NAALADL2: variants seen among roughly 807,000 people sequenced by gnomAD.
NAALADL2 encodes the protein N-acetylated alpha-linked acidic dipeptidase like 2.
A neutral mutation model predicts 87.2 loss-of-function variants in NAALADL2; 76 were observed. The ratio of observed to expected loss-of-function variants is 0.87; its 90% CI spans 0.72 to 1.05. NAALADL2 has a LOEUF of 1.05. NAALADL2 is among the 50% of genes least tolerant of loss of function. The probability of loss-of-function intolerance (pLI) is 0.00; values close to 1 mark genes in which losing one functional copy is unlikely to be tolerated. For missense variants in NAALADL2, 1,089 were observed against 945.8 expected, an observed-to-expected ratio of 1.15 and a Z score of -1.99; for synonymous variants, 354 against 331.0, an observed-to-expected ratio of 1.07 and a Z score of -0.75.
intron 2 of NAALADL2, among the ~76,000 whole-genome samples, chr3:175,119,338 T>C (rs1275777386): frequency 6.6e-5 from 10 of 151,708 alleles, no homozygotes. Context: ...TAATAAAAAT[T>C]TGAATTAGTT....
chr3:175,206,363 C>T lies in NAALADL2; in HGVS notation c.546-27568C>T, dbSNP rs188401968. 5.7e-4 allele frequency among the ~76,000 whole-genome samples: 83 copies of T among 146,220 alleles called. 2 individuals carry two copies. In the East Asian group the frequency reaches 0.015, roughly 26 times the overall value. On this transcript the variant is annotated intron_variant, in intron 2 of 13. Coordinates refer to ENST00000454872, the MANE Select transcript of NAALADL2 (RefSeq NM_207015.3). Reference sequence around the variant, plus strand: ...ATATAATGTATATGTTATATATACACGATGGAATACTATTCAGCCATAAAA... The same window carrying T: ...ATATAATGTATATGTTATATATACATGATGGAATACTATTCAGCCATAAAA...
intron 1 of NAALADL2, among the ~76,000 whole-genome samples, chr3:174,914,076 A>G (rs1200624153): frequency 7.8e-6 from 1 of 128,290 alleles, no homozygotes; most frequent in African/African-American, 2.8e-5. Flanking sequence ...TTTTTTTTTT[A>G]ATTAGAGACG....
chr3:175,634,068 TTA>T (rs1422555102), intron 11 of NAALADL2, among the ~76,000 whole-genome samples: 2 of 151,700 alleles, frequency 1.3e-5, no homozygotes, highest in Non-Finnish European at 3.0e-5. Flanking sequence ...AGCAATAGAG[TTA>T]TATTTTCCCT....
rs549345114 is a variant in NAALADL2, at chr3:175,574,908, T to C, written c.1654-1133T>C. Among the ~76,000 whole-genome samples the C allele has an allele frequency of 5.3e-5, 8 of 152,248 alleles. No individual in the cohort carries two copies. The South Asian group carries it at 1.5e-3, about 28-fold the overall frequency. ...ATGACACTTGATGTTCTTATACTTA[T>C]TGTCTCATTTTCTCACAACTGTCCG... On this transcript the variant is annotated intron_variant, in intron 9 of 13. Coordinates refer to ENST00000454872, the MANE Select transcript of NAALADL2 (RefSeq NM_207015.3).
At chr3:174,801,852 T>G (rs754298326) in intron 3 of NAALADL2, among the ~76,000 whole-genome samples, 2 of 152,026 alleles carry the variant, frequency 1.3e-5, no homozygotes, top group Non-Finnish European at 2.9e-5. Flanking sequence ...CTTATCATGA[T>G]AGCTTAAGAG....
chr3:174,708,850 C>T (rs1730360521), intron 2 of NAALADL2, among the ~76,000 whole-genome samples: 1 of 152,064 alleles, frequency 6.6e-6, no homozygotes, highest in Non-Finnish European at 1.5e-5. Context: ...AAGGAATTTT[C>T]CATGATTAAA....
intron 1 of NAALADL2, among the ~76,000 whole-genome samples, chr3:175,038,985 T>C (rs990814815): frequency 6.6e-6 from 1 of 152,006 alleles, no homozygotes; most frequent in Non-Finnish European, 1.5e-5. Flanking sequence ...ATAAACAAAC[T>C]CTCTGATAGT....
At chr3:175,502,681 G>GTC (rs908087731) in intron 9 of NAALADL2, among the ~76,000 whole-genome samples, 5 of 149,384 alleles carry the variant, frequency 3.3e-5, no homozygotes, top group South Asian at 4.2e-4. Context: ...TATAATAAAT[G>GTC]TCTCTCTCTC....
chr3:175,251,414 T>C (rs980579721), intron 3 of NAALADL2, among the ~76,000 whole-genome samples: 1 of 152,232 alleles, frequency 6.6e-6, no homozygotes, highest in Non-Finnish European at 1.5e-5. Flanking sequence ...TCAATTACTC[T>C]CTCTTATGTG....
At chr3:175,060,476 G>T (rs1713197541) in intron 1 of NAALADL2, among the ~76,000 whole-genome samples, 1 of 152,120 alleles carries the variant, frequency 6.6e-6, no homozygotes, top group Non-Finnish European at 1.5e-5. Flanking sequence ...GATAGGCATT[G>T]TTTTAAATAT....
intron 1 of NAALADL2, chr3:174,459,182 T>C (rs1217008908): frequency 2.6e-5 from 4 of 152,240 alleles, no homozygotes; most frequent in Non-Finnish European, 5.9e-5. Flanking sequence ...AAAAAGTTGG[T>C]AGTCCTTTTA....
intron 2 of NAALADL2, among the ~76,000 whole-genome samples, chr3:174,704,197 T>C (rs1400936416): frequency 1.3e-5 from 2 of 152,134 alleles, no homozygotes; most frequent in Admixed American, 6.5e-5. Context: ...GATAAAGTGT[T>C]CCAGTGCTAT....
chr3:174,955,739 A>G (rs931671732), intron 1 of NAALADL2, among the ~76,000 whole-genome samples: 1 of 152,108 alleles, frequency 6.6e-6, no homozygotes, highest in Admixed American at 6.6e-5. Context: ...CAGTGTTTTT[A>G]TAACTTTAGT....
At chr3:174,824,686 TA>T (rs1239173372) in intron 3 of NAALADL2, among the ~76,000 whole-genome samples, 17 of 152,228 alleles carry the variant, frequency 1.1e-4, no homozygotes, top group Non-Finnish European at 1.8e-4. Context: ...GATAATTCAT[TA>T]AGTGAACCAC....
chr3:175,519,186 T>C (rs1324675847), intron 9 of NAALADL2, among the ~76,000 whole-genome samples: 1 of 152,222 alleles, frequency 6.6e-6, no homozygotes, highest in African/African-American at 2.4e-5. Flanking sequence ...AGATTTTCTT[T>C]ATGGCCAATT....
chr3:175,519,551 TAAAAC>T (rs1732336936), intron 9 of NAALADL2, among the ~76,000 whole-genome samples: 1 of 152,132 alleles, frequency 6.6e-6, no homozygotes, highest in East Asian at 1.9e-4. Flanking sequence ...CTTGAACACA[TAAAAC>T]AATATATATT....
At chr3:174,802,507 A>G (rs1427312467) in intron 3 of NAALADL2, among the ~76,000 whole-genome samples, 1 of 152,174 alleles carries the variant, frequency 6.6e-6, no homozygotes, top group Admixed American at 6.6e-5. Context: ...TTATACTTTA[A>G]GTTCTAGGGT....
chr3:175,386,461 T>A (rs1004699280), intron 5 of NAALADL2, among the ~76,000 whole-genome samples: 3 of 152,014 alleles, frequency 2.0e-5, no homozygotes, highest in Non-Finnish European at 4.4e-5. Context: ...TTCATAGGTG[T>A]AATTGTGTAT....
At position 174,853,778 on chromosome 3, in the gene NAALADL2, A is replaced by G. The variant is rs184928553; in HGVS notation, c.-9+116032A>G. Among the ~76,000 whole-genome samples, 10 of 152,314 alleles carry G rather than the reference A, an allele frequency of 6.6e-5. No homozygotes were observed. In the East Asian group the frequency reaches 1.2e-3, roughly 18 times the overall value. On this transcript the variant is annotated intron_variant, in intron 3 of 3. Transcript: ENST00000434257. ...AAATGGCCAATAGGTATATGAAAAA[A>G]TGTTCATCATCACTAATCATCAGAG...
Sources: gnomAD v4.1 joint callset for allele counts (sites outside exome capture counted in the v4.1 genomes callset) on GRCh38, gnomAD v4.1.1 for gene constraint, MANE v1.5 for transcripts, NCBI Gene and HGNC (gene_info 2026-07-23, HGNC 2026-07-21) for gene names.